The following GRIA4 variants were observed in gnomAD, a reference collection of about 807,000 sequenced individuals.
GRIA4 encodes the protein glutamate ionotropic receptor AMPA type subunit 4, also known as glutamate receptor 4.
Under a neutral mutation model 104.0 loss-of-function variants are expected in GRIA4, and 34 were observed. That is an observed-to-expected ratio of 0.33 (90% confidence interval 0.25 to 0.44). The LOEUF is 0.44. Ranked by LOEUF, GRIA4 falls within the 20% of genes least tolerant of loss-of-function variation. GRIA4 has a pLI of 1.00. For synonymous variants in GRIA4, 386 were observed against 381.9 expected (o/e 1.01, Z -0.13); for missense variants, 750 against 1,096.5 (o/e 0.68, Z 4.46).
chr11:105,807,717 GT>G (rs1009394063), intron 4 of GRIA4, among the ~76,000 whole-genome samples: 4 of 151,206 alleles, frequency 2.6e-5, no homozygotes, highest in African/African-American at 7.3e-5. Context: ...GTTTGCTTGT[GT>G]TTTTTTTCTC....
At chr11:105,723,681 G>A (rs567858661) in intron 3 of GRIA4, among the ~76,000 whole-genome samples, 10 of 152,000 alleles carry the variant, frequency 6.6e-5, no homozygotes, top group South Asian at 2.1e-4. Flanking sequence ...ATCATTGCTC[G>A]CTTCAACTTC....
Position 105,733,637 on chromosome 11 carries a change from T to C in GRIA4, c.248-19344T>C, listed in dbSNP as rs1006909901. Among the ~76,000 whole-genome samples, 9 of 151,906 alleles carry C rather than the reference T, an allele frequency of 5.9e-5. 1 individual carries two copies. The highest frequency in any genetic ancestry group is 3.9e-4 in the East Asian group (2 of 5,174). On this transcript the variant is annotated intron_variant, in intron 3 of 16. Coordinates refer to ENST00000282499, the MANE Select transcript of GRIA4 (RefSeq NM_000829.4). Reference sequence around the variant, plus strand: ...ACGACCAGCTAATTTTTTGTATTTTTAGTAGAGACGGGGTTTCGCTGTGTT... The same window carrying C: ...ACGACCAGCTAATTTTTTGTATTTTCAGTAGAGACGGGGTTTCGCTGTGTT...
chr11:105,825,066 G>A (rs1429054149), intron 4 of GRIA4, among the ~76,000 whole-genome samples: 1 of 152,040 alleles, frequency 6.6e-6, no homozygotes, highest in Non-Finnish European at 1.5e-5. Flanking sequence ...TGGTCTCAAA[G>A]ATGGATAACA....
intron 6 of GRIA4, among the ~76,000 whole-genome samples, chr11:105,893,628 G>C (rs1279978337): frequency 6.6e-6 from 1 of 152,084 alleles, no homozygotes; most frequent in Non-Finnish European, 1.5e-5. Context: ...TTATCAGCTA[G>C]ACTTTACATC....
intron 3 of GRIA4, among the ~76,000 whole-genome samples, chr11:105,632,762 C>T (rs570473322): frequency 5.9e-5 from 9 of 152,120 alleles, no homozygotes; most frequent in Admixed American, 2.0e-4. Flanking sequence ...AGCGGGACCC[C>T]GTTTCTCCAA....
intron 3 of GRIA4, among the ~76,000 whole-genome samples, chr11:105,643,279 T>C (rs1001365829): frequency 3.9e-5 from 6 of 152,144 alleles, no homozygotes; most frequent in Non-Finnish European, 8.8e-5. Flanking sequence ...TCTATCTGTT[T>C]TTTGCTTTCT....
At chr11:105,656,350 C>T (rs997350129) in intron 3 of GRIA4, among the ~76,000 whole-genome samples, 13 of 152,078 alleles carry the variant, frequency 8.5e-5, no homozygotes, top group Non-Finnish European at 4.4e-5. Context: ...CCCTCCCTTA[C>T]ACCTTATACA....
At chr11:105,876,800 A>G (rs1258761026) in intron 5 of GRIA4, among the ~76,000 whole-genome samples, 1 of 152,142 alleles carries the variant, frequency 6.6e-6, no homozygotes, top group African/African-American at 2.4e-5. Context: ...TTTTGAGCTT[A>G]TATGTGTCTT....
At chr11:105,898,610 A>G (rs933028252) in intron 7 of GRIA4, among the ~76,000 whole-genome samples, 183 bp downstream of exon 7, 4 of 152,188 alleles carry the variant, frequency 2.6e-5, no homozygotes, top group African/African-American at 7.2e-5. Flanking sequence ...ATTTAAGAGT[A>G]GAGTTTCTAG....
intron 3 of GRIA4, among the ~76,000 whole-genome samples, chr11:105,657,244 T>C (rs1409039049): frequency 6.6e-6 from 1 of 152,014 alleles, no homozygotes; most frequent in Non-Finnish European, 1.5e-5. Flanking sequence ...TCAGCCATTT[T>C]ATCTGCAACA....
At position 105,924,379 on chromosome 11, in the gene GRIA4, A is replaced by G. The variant is rs571564669; in HGVS notation, c.1477-20A>G. On this transcript the variant is annotated intron_variant, in intron 11 of 16. Coordinates refer to ENST00000282499, the MANE Select transcript of GRIA4 (RefSeq NM_000829.4). ...GAAATTCATTAACCTATGTGTCTCC[A>G]TGTGTTTTTTCTCTTATAGAAAGCA... 3 of 1,547,420 alleles carry G rather than the reference A, an allele frequency of 1.9e-6. No individual in the cohort carries two copies. The highest frequency in any genetic ancestry group is 2.4e-5 in the South Asian group (2 of 82,402).
intron 3 of GRIA4, among the ~76,000 whole-genome samples, chr11:105,747,567 T>A (rs1309002267): frequency 1.3e-5 from 2 of 152,292 alleles, no homozygotes. Flanking sequence ...ATCAGAATTT[T>A]ATGTCAAGTA....
At position 105,862,030 on chromosome 11, in the gene GRIA4, C is replaced by A. The variant is rs770899856; in HGVS notation, c.494C>A (p.Ser165Ter). 6.2e-7 allele frequency: 1 copy of A among 1,604,626 alleles called. No individual in the cohort carries two copies. Among genetic ancestry groups the A allele is most frequent in the Non-Finnish European group, 8.5e-7 (1 of 1,172,704 alleles). The change falls in exon 5 of 17, where the codon TCG (serine) becomes TAG (stop). Residue 165 changes from serine (S) to a stop codon, truncating the protein, a stop_gained. Transcript: ENST00000282499. LOFTEE classifies it high-confidence loss of function. ...VFLYDTDRGY[S>*]ILQAIMEKAG... ...CTTTTTTTTTCCCCAATAGGATACT[C>A]GATACTCCAAGCTATTATGGAAAAA...
At chr11:105,804,739 T>A (rs1356346189) in intron 4 of GRIA4, among the ~76,000 whole-genome samples, 1 of 152,040 alleles carries the variant, frequency 6.6e-6, no homozygotes, top group African/African-American at 2.4e-5. Context: ...CTTCATTTTT[T>A]AACCACATTC....
intron 14 of GRIA4, among the ~76,000 whole-genome samples, chr11:105,971,681 A>G (rs1374398835): frequency 1.3e-5 from 2 of 152,186 alleles, no homozygotes; most frequent in African/African-American, 4.8e-5. Context: ...TTGGATTCAC[A>G]GTAATTGCAT....
At chr11:105,972,779 C>G (rs896466313) in intron 15 of GRIA4, among the ~76,000 whole-genome samples, 1 of 152,108 alleles carries the variant, frequency 6.6e-6, no homozygotes, top group Non-Finnish European at 1.5e-5. Flanking sequence ...ATCAGTGAAT[C>G]TAAATACCTA....
At chr11:105,743,962 T>C (rs554480208) in intron 3 of GRIA4, among the ~76,000 whole-genome samples, 31 of 152,306 alleles carry the variant, frequency 2.0e-4, no homozygotes, top group Non-Finnish European at 4.0e-4. Flanking sequence ...TGCCCTTTTA[T>C]GATCTCTTTC....
chr11:105,617,496 A>G (rs932199689), intron 3 of GRIA4, among the ~76,000 whole-genome samples: 1 of 151,962 alleles, frequency 6.6e-6, no homozygotes, highest in African/African-American at 2.4e-5. Context: ...TGTGAAAAAG[A>G]TAACATCTAT....
intron 3 of GRIA4, among the ~76,000 whole-genome samples, chr11:105,721,254 G>T (rs373783290): frequency 2.0e-5 from 3 of 152,208 alleles, no homozygotes; most frequent in Admixed American, 6.5e-5. Context: ...TTTGAAGAGG[G>T]ATAATATTTC....
Sources: gnomAD v4.1 joint callset for allele counts (sites outside exome capture counted in the v4.1 genomes callset) on GRCh38, gnomAD v4.1.1 for gene constraint, MANE v1.5 for transcripts, NCBI Gene and HGNC (gene_info 2026-07-23, HGNC 2026-07-21) for gene names.